Variants in SH3TC1 observed in about 807,000 individuals in gnomAD.
The protein encoded by SH3TC1 is SH3 domain and tetratricopeptide repeat-containing protein 1.
Under a neutral mutation model 117.3 loss-of-function variants are expected in SH3TC1, and 135 were observed. The ratio of observed to expected loss-of-function variants is 1.15; its 90% confidence interval spans 1.00 to 1.33. The LOEUF (loss-of-function observed/expected upper bound fraction) is 1.33, where lower values mean the gene tolerates loss of function less well. Ranked by LOEUF, SH3TC1 falls within the 40% of genes most tolerant of loss-of-function variation. The probability of loss-of-function intolerance (pLI) is 0.00; values close to 1 mark genes in which losing one functional copy is unlikely to be tolerated. For synonymous variants in SH3TC1, 898 were observed against 816.9 expected (o/e 1.10, Z -1.69); for missense variants, 2,092 against 1,794.3 (o/e 1.17, Z -3.00).
chr4:8,211,851 C>G (rs897288556), intron 3 of SH3TC1, among the ~76,000 whole-genome samples: 1 of 152,106 alleles, frequency 6.6e-6, no homozygotes, highest in African/African-American at 2.4e-5. Flanking sequence ...CGTGCCCACC[C>G]CTGCGGAAGA....
At position 8,240,932 on chromosome 4, in the gene SH3TC1, T is replaced by C. The variant is rs141009168; in HGVS notation, c.3988T>C (p.Leu1330=). 165 of 1,611,520 alleles carry C rather than the reference T, an allele frequency of 1.0e-4. No homozygotes were observed. In the African/African-American group the frequency reaches 1.9e-3, roughly 19 times the overall value. The change falls in exon 18 of 18, where the codon TTG becomes CTG. Residue 1330 remains leucine, a synonymous_variant. Transcript: ENST00000245105. ...PLPLCGWAPW[L]APSHPR is the part of the protein sequence containing the mutation. The stretch of plus-strand genomic sequence containing the variant: ...GCCACTCTGCGGGTGGGCCCCCTGG[T>C]TGGCCCCCAGCCACCCTCGCTGAGG...
chr4:8,187,376 C>T (rs928737367), intron 1 of SH3TC1, among the ~76,000 whole-genome samples: 4 of 151,100 alleles, frequency 2.6e-5, no homozygotes, highest in Admixed American at 1.3e-4. Flanking sequence ...TGTGGAAGGA[C>T]GCCACCATGC....
chr4:8,194,303 T>C (rs1717497685), upstream of SH3TC1, among the ~76,000 whole-genome samples: 1 of 152,194 alleles, frequency 6.6e-6, no homozygotes, highest in Non-Finnish European at 1.5e-5. Flanking sequence ...AGGAACAGAT[T>C]TGGTAGCTTC....
intron 1 of SH3TC1, among the ~76,000 whole-genome samples, chr4:8,191,195 A>G (rs1323112053): frequency 6.6e-6 from 1 of 152,256 alleles, no homozygotes; most frequent in African/African-American, 2.4e-5. Context: ...TCAGCAGGTC[A>G]GGCAGACCCA....
At chr4:8,218,463 G>C (rs541835923) in intron 8 of SH3TC1, 116 bp downstream of exon 8, 1 of 673,570 alleles carries the variant, frequency 1.5e-6, no homozygotes, top group Admixed American at 3.0e-5. Context: ...CTATCAGGTA[G>C]TGCAAGAGTA....
intron 9 of SH3TC1, among the ~76,000 whole-genome samples, chr4:8,222,110 T>C (rs891907446): frequency 3.9e-5 from 6 of 152,118 alleles, no homozygotes; most frequent in Non-Finnish European, 5.9e-5. Context: ...GAGTGTATGT[T>C]GGGCACTCTG....
chr4:8,187,010 T>C (rs1266941002), intron 1 of SH3TC1, among the ~76,000 whole-genome samples: 7 of 150,574 alleles, frequency 4.6e-5, no homozygotes, highest in African/African-American at 1.7e-4. Context: ...ATTCTGGGAC[T>C]CCTGCCCGAC....
intron 12 of SH3TC1, among the ~76,000 whole-genome samples, chr4:8,230,416 G>A (rs1009700841): frequency 1.3e-5 from 2 of 151,876 alleles, no homozygotes; most frequent in Admixed American, 6.5e-5. Flanking sequence ...GATGACAGGC[G>A]TGAGCCATGG....
chr4:8,228,094 C>A lies in SH3TC1; in HGVS notation c.2400C>A (p.Gly800=), dbSNP rs764145230. ...TGGCCCAGCTGTACAGCCACCATGG[C>A]TGCCACGGCCCGGCCATCACCTTCA... The part of the protein sequence containing the change: ...TSLAQLYSHH[G]CHGPAITFMT... The change falls in exon 12 of 18, where the codon GGC becomes GGA. Residue 800 remains glycine, a synonymous_variant. Transcript: ENST00000245105. The A allele has an allele frequency of 1.2e-6, 2 of 1,608,938 alleles. No homozygotes were observed. The highest frequency in any genetic ancestry group is 1.7e-6 in the Non-Finnish European group (2 of 1,177,430).
At chr4:8,216,537 G>T (rs1180913311) in intron 6 of SH3TC1, among the ~76,000 whole-genome samples, 1 of 152,238 alleles carries the variant, frequency 6.6e-6, no homozygotes, top group Non-Finnish European at 1.5e-5. Context: ...CTCTGACATG[G>T]CTGCTGCCCT....
chr4:8,236,844 T>G, intron 16 of SH3TC1: 1 of 172,466 alleles, frequency 5.8e-6, no homozygotes, highest in Non-Finnish European at 1.2e-5. Context: ...TGCCCCTTAA[T>G]GCCGGGCATC....
At position 8,214,535 on chromosome 4, in the gene SH3TC1, A is replaced by G. The variant is rs769809306; in HGVS notation, c.436A>G (p.Lys146Glu). ...SDQDRIVVTF[K>E]TFEEIWKFST... ...CCAGGACCGGATCGTGGTGACGTTTAAGACTTTTGAAGAAATCTGGAAGTT... is the reference window on the plus strand; with the variant it reads ...CCAGGACCGGATCGTGGTGACGTTTGAGACTTTTGAAGAAATCTGGAAGTT... Residue 146 changes from lysine (K) to glutamate (E), a missense_variant, in exon 5 of 18, where the codon AAG becomes GAG. Transcript: ENST00000245105. 1.2e-6 allele frequency: 2 copies of G among 1,613,964 alleles called. No homozygotes were observed. The highest frequency in any genetic ancestry group is 2.2e-5 in the South Asian group (2 of 91,070).
In SH3TC1 at chr4:8,188,685, T is replaced by G. The variant is rs1456916262; in HGVS notation, c.-57+6475T>G. 2.0e-5 allele frequency among the ~76,000 whole-genome samples: 3 copies of G among 152,142 alleles called. No individual in the cohort carries two copies. The East Asian group carries it at 5.8e-4, about 29-fold the overall frequency. ...ATATATCCATCCTGCAGCAAGCAAG[T>G]GAGGGGAGACCCCGGGACCCACACC... On this transcript the variant is annotated intron_variant, in intron 1 of 16. Transcript: ENST00000508641.
chr4:8,227,113 C>A lies in SH3TC1; in HGVS notation c.1419C>A (p.Ser473Arg), dbSNP rs199565478. The change falls in exon 12 of 18, where the codon AGC (serine) becomes AGA (arginine). Residue 473 changes from serine to arginine, a missense_variant. By Grantham distance (110) the Ser-to-Arg change is moderately radical. Coordinates refer to ENST00000245105, the MANE Select transcript of SH3TC1 (RefSeq NM_018986.5). ...CCTGGGGTCTCTGTGCGGCATCCAG[C>A]GACGTGAGCTTGCAGGACCCCGAGG... is the stretch of plus-strand genomic sequence containing the variant. ...PASWGLCAASSDVSLQDPEEP... is the reference protein window; with the variant it reads ...PASWGLCAASRDVSLQDPEEP... 3.1e-5 allele frequency: 50 copies of A among 1,612,694 alleles called. No individual in the cohort carries two copies. The highest frequency in any genetic ancestry group is 4.2e-5 in the Non-Finnish European group (49 of 1,179,750).
chr4:8,209,741 G>A lies in SH3TC1; in HGVS notation c.173-7G>A, dbSNP rs1202145837. On this transcript the variant is annotated splice_polypyrimidine_tract_variant and splice_region_variant and intron_variant, in intron 2 of 17. Coordinates refer to ENST00000245105, the MANE Select transcript of SH3TC1 (RefSeq NM_018986.5). This position sits in a 1 kb window ranked among gnomAD's most constrained non-coding sequence, Gnocchi z 5.9. The stretch of plus-strand genomic sequence containing the variant: ...TCCCCTAATCCTGGGAACCTGCTGT[G>A]TTGCAGACGAGGCTCCTCCTGCCCG... The A allele has an allele frequency of 7.4e-6, 12 of 1,613,668 alleles. No homozygotes were observed. Among genetic ancestry groups the A allele is most frequent in the Non-Finnish European group, 9.3e-6 (11 of 1,179,988 alleles).
chr4:8,188,274 C>T (rs551197835), intron 1 of SH3TC1, among the ~76,000 whole-genome samples: 12 of 152,286 alleles, frequency 7.9e-5, no homozygotes, highest in East Asian at 7.7e-4. Context: ...ACCATGAGGC[C>T]GAGTCTGGGC....
At chr4:8,198,143 G>C (rs896275615), upstream of SH3TC1, among the ~76,000 whole-genome samples, 3 of 152,122 alleles carry the variant, frequency 2.0e-5, no homozygotes, top group African/African-American at 7.2e-5. Context: ...CCCAAATGTC[G>C]GTAGTGCCTT....
chr4:8,234,850 G>A (rs774502357), intron 14 of SH3TC1, among the ~76,000 whole-genome samples: 1 of 152,224 alleles, frequency 6.6e-6, no homozygotes, highest in East Asian at 1.9e-4. Flanking sequence ...TGCTCCAAGC[G>A]ACATGTGGCA....
chr4:8,228,822 C>T (rs185464268), intron 12 of SH3TC1, among the ~76,000 whole-genome samples, 178 bp downstream of exon 12: 1 of 152,382 alleles, frequency 6.6e-6, no homozygotes, highest in African/African-American at 2.4e-5. Flanking sequence ...GGGCCAGGCC[C>T]TCTCTGCCCT....
Sources: allele counts gnomAD v4.1 joint callset (sites outside exome capture counted in the v4.1 genomes callset), GRCh38; gene constraint gnomAD v4.1.1; non-coding constraint Gnocchi (gnomAD v3.1); transcripts MANE v1.5; gene names NCBI Gene and HGNC (gene_info 2026-07-23, HGNC 2026-07-21).